Variants in PNLIPRP1 observed in about 807,000 individuals in gnomAD.
PNLIPRP1 encodes the protein inactive pancreatic lipase-related protein 1.
A neutral mutation model predicts 54.6 loss-of-function variants in PNLIPRP1; 57 were observed. The observed-to-expected ratio is 1.04, with a 90% CI of 0.84 to 1.30. PNLIPRP1 has a LOEUF of 1.30. Among genes scored for constraint, PNLIPRP1 ranks in the 50% most tolerant of loss-of-function variants. The pLI, the probability that PNLIPRP1 is intolerant of heterozygous loss-of-function variation, is 0.00. For missense variants in PNLIPRP1, 567 were observed against 568.5 expected (o/e 1.00, Z 0.03); for synonymous variants, 232 against 208.8 (o/e 1.11, Z -0.96).
Position 116,600,153 on chromosome 10 carries a change from G to C in PNLIPRP1, c.921G>C (p.Lys307Asn). 6.2e-7 allele frequency: 1 copy of C among 1,604,002 alleles called. No individual in the cohort carries two copies. Among genetic ancestry groups the C allele is most frequent in the East Asian group, 2.2e-5 (1 of 44,834 alleles). The change falls in exon 9 of 13, where the codon AAG (lysine) becomes AAC (asparagine). Residue 307 changes from lysine to asparagine, a missense_variant. By Grantham distance (94) the Lys-to-Asn change is moderately conservative (BLOSUM62 0). Transcript: ENST00000358834. ...CTGCATATCCCTGCACTTCCTACAA[G>C]TCCTTTGAGTCTGTAAGCTATTGTC... The part of the protein sequence containing the change: ...GFAAYPCTSY[K>N]SFESDKCFPC...
At chr10:116,605,652 G>A (rs1358937223) in intron 12 of PNLIPRP1, 99 bp downstream of exon 12, 1 of 885,508 alleles carries the variant, frequency 1.1e-6, no homozygotes, top group Non-Finnish European at 1.6e-6. Context: ...AGCAAGAAAA[G>A]CCAAGAAAAT....
chr10:116,604,283 G>C (rs1486022136), intron 11 of PNLIPRP1, 145 bp downstream of exon 11: 2 of 539,986 alleles, frequency 3.7e-6, no homozygotes, highest in Non-Finnish European at 3.3e-6. Context: ...TTTAGTTGAT[G>C]GACCACATAC....
chr10:116,607,921 C>T (rs1847963191), intron 12 of PNLIPRP1, among the ~76,000 whole-genome samples: 1 of 152,150 alleles, frequency 6.6e-6, no homozygotes, highest in African/African-American at 2.4e-5. Flanking sequence ...GTGGCATGAT[C>T]TCAGCTCCAC....
At chr10:116,608,452 A>G (rs1328643803) in intron 12 of PNLIPRP1, among the ~76,000 whole-genome samples, 1 of 152,166 alleles carries the variant, frequency 6.6e-6, no homozygotes, top group Non-Finnish European at 1.5e-5. Flanking sequence ...GGAAGGCTTG[A>G]TGTGTGATCC....
At chr10:116,591,271 C>A in intron 2 of PNLIPRP1, 93 bp downstream of exon 2, 1 of 943,096 alleles carries the variant, frequency 1.1e-6, no homozygotes, top group Non-Finnish European at 1.7e-6. Flanking sequence ...GGGCTCCCAG[C>A]AGCTCCAGGG....
chr10:116,592,358 G>A, intron 3 of PNLIPRP1, 58 bp from the exon 4 acceptor site: 2 of 1,530,336 alleles, frequency 1.3e-6, no homozygotes, highest in South Asian at 2.6e-5. Flanking sequence ...GATGAGGAAG[G>A]AAAAAGGCCT....
intron 12 of PNLIPRP1, among the ~76,000 whole-genome samples, chr10:116,607,706 A>G (rs1554865727): frequency 6.6e-6 from 1 of 152,230 alleles, no homozygotes. Context: ...AAAGCTTCCG[A>G]GCTCACAGGT....
At position 116,600,317 on chromosome 10, in the gene PNLIPRP1, A is replaced by G. The variant is rs78534293; in HGVS notation, c.933+152A>G. ...GTGGAGTGGAAGAGAAAAAAAAGTA[A>G]ACAACTTTTGGCAGGAGATGGCTAA... On this transcript the variant is annotated intron_variant, in intron 9 of 12. Transcript: ENST00000358834. 2.3e-3 allele frequency: 1,310 copies of G among 581,036 alleles called. 18 individuals are homozygous for G. The highest frequency in any genetic ancestry group is 0.022 in the African/African-American group (1,199 of 54,302). The allele number at this position is 581,036 out of a possible 1,614,324, so 36.0% of individuals were successfully genotyped here.
In PNLIPRP1 at chr10:116,600,256, A is replaced by G. The variant is rs921831516; in HGVS notation, c.933+91A>G. On this transcript the variant is annotated intron_variant, in intron 9 of 12. Coordinates refer to ENST00000358834, the MANE Select transcript of PNLIPRP1 (RefSeq NM_006229.4). ...TTGGGATTTGCAATGCCTTCTCACT[A>G]CACGTTTTGCATTGACCCTCAGAGT... The G allele has an allele frequency of 6.2e-5, 51 of 827,908 alleles. No individual in the cohort carries two copies. The African/African-American group carries it at 6.5e-4, about 11-fold the overall frequency. The allele number at this position is 827,908 out of a possible 1,614,324, so 51.3% of individuals were successfully genotyped here. A position where few individuals can be genotyped will look rare whatever the true frequency, so the allele number is the denominator to read the frequency against.
chr10:116,600,016 C>T (rs1847805055), intron 8 of PNLIPRP1, 31 bp from the exon 9 acceptor site: 2 of 1,451,810 alleles, frequency 1.4e-6, no homozygotes, highest in Non-Finnish European at 1.9e-6. Flanking sequence ...CCCCCAACCA[C>T]CTGTTCAGGT....
At chr10:116,599,296 T>TAAAATAAAATAAAATAAAATAAAAA (rs1297586792) in intron 8 of PNLIPRP1, among the ~76,000 whole-genome samples, 18 of 133,832 alleles carry the variant, frequency 1.3e-4, no homozygotes, top group Admixed American at 4.8e-4. Flanking sequence ...TAAAATAAAA[T>TAAAATAAAATAAAATAAAATAAAAA]AAAAAATAAA....
intron 11 of PNLIPRP1, 41 bp downstream of exon 11, chr10:116,604,179 A>G (rs781832233): frequency 1.8e-6 from 2 of 1,084,294 alleles, no homozygotes; most frequent in South Asian, 2.6e-5. Flanking sequence ...TTGATGATAT[A>G]CACAGCCTTC....
At chr10:116,607,123 TGGG>T (rs1337882451) in intron 12 of PNLIPRP1, among the ~76,000 whole-genome samples, 1 of 152,032 alleles carries the variant, frequency 6.6e-6, no homozygotes, top group African/African-American at 2.4e-5. Flanking sequence ...GTAACCTCAT[TGGG>T]GTTTCAATTC....
At chr10:116,598,303 G>GA (rs1325798603) in intron 8 of PNLIPRP1, 137 bp downstream of exon 8, 8 of 893,818 alleles carry the variant, frequency 9.0e-6, no homozygotes, top group East Asian at 2.7e-5. Flanking sequence ...GATTATTTCA[G>GA]AAAAAATGTA....
intron 4 of PNLIPRP1, among the ~76,000 whole-genome samples, chr10:116,594,140 A>G (rs181883273): frequency 9.9e-4 from 150 of 152,264 alleles, no homozygotes; most frequent in African/African-American, 3.3e-3. Flanking sequence ...GCCTGGCAGA[A>G]CTCCTAAAGA....
At chr10:116,598,966 G>A (rs1220505256) in intron 8 of PNLIPRP1, among the ~76,000 whole-genome samples, 1 of 152,180 alleles carries the variant, frequency 6.6e-6, no homozygotes, top group South Asian at 2.1e-4. Flanking sequence ...TATTAAGAAT[G>A]AGGACAGGCC....
At chr10:116,601,426 T>C (rs137940721) in intron 10 of PNLIPRP1, among the ~76,000 whole-genome samples, 11 of 152,340 alleles carry the variant, frequency 7.2e-5, no homozygotes, top group African/African-American at 2.6e-4. Context: ...AAGCAACTAG[T>C]ATAATTAATG....
At chr10:116,605,121 A>G (rs1165527320) in intron 11 of PNLIPRP1, among the ~76,000 whole-genome samples, 5 of 152,206 alleles carry the variant, frequency 3.3e-5, no homozygotes. Flanking sequence ...TGTACAAATA[A>G]TTCTTCCAAA....
chr10:116,592,407 C>G lies in PNLIPRP1; in HGVS notation c.205-9C>G. 1 of 1,593,196 alleles carries G rather than the reference C, an allele frequency of 6.3e-7. No homozygotes were observed. ...GCGAAAACATGAAGCACTTCTGCGT[C>G]TGTCACAGATTCTCCTCCTCTCTGA... is the stretch of plus-strand genomic sequence containing the variant. On this transcript the variant is annotated splice_polypyrimidine_tract_variant and intron_variant, in intron 3 of 12. Coordinates refer to ENST00000358834, the MANE Select transcript of PNLIPRP1 (RefSeq NM_006229.4).
Sources: allele counts gnomAD v4.1 joint callset (sites outside exome capture counted in the v4.1 genomes callset), GRCh38; gene constraint gnomAD v4.1.1; transcripts MANE v1.5; gene names NCBI Gene and HGNC (gene_info 2026-07-23, HGNC 2026-07-21).